The following IQSEC1 variants were observed in gnomAD, a reference collection of about 807,000 sequenced individuals.
IQSEC1 encodes IQ motif and Sec7 domain ArfGEF 1.
IQSEC1 carries 31 observed loss-of-function variants against 91.0 expected under a neutral mutation model. That is an observed-to-expected ratio of 0.34 (90% CI 0.26 to 0.46). The LOEUF (loss-of-function observed/expected upper bound fraction) is 0.46. IQSEC1 is among the 20% of genes least tolerant of loss of function. The probability of loss-of-function intolerance (pLI) is 1.00; values close to 1 mark genes in which losing one functional copy is unlikely to be tolerated. For missense variants in IQSEC1, 1,388 were observed against 1,575.6 expected (o/e 0.88, Z 2.02); for synonymous variants, 699 against 662.6 (o/e 1.05, Z -0.84).
At chr3:13,064,009 AAAAAAAC>A (rs1177438174) in intron 1 of IQSEC1, among the ~76,000 whole-genome samples, 8 of 152,094 alleles carry the variant, frequency 5.3e-5, no homozygotes, top group East Asian at 1.9e-4. Context: ...TGTAAAAAAA[AAAAAAAC>A]AAAAAACAAT....
chr3:13,233,882 A>C (rs1212220814), intron 1 of IQSEC1, among the ~76,000 whole-genome samples: 2 of 152,134 alleles, frequency 1.3e-5, no homozygotes, highest in African/African-American at 4.8e-5. Flanking sequence ...TAACATGGGG[A>C]TAATTCTAGT....
intron 1 of IQSEC1, among the ~76,000 whole-genome samples, chr3:13,225,142 C>CT (rs1344412047): frequency 6.6e-6 from 1 of 152,252 alleles, no homozygotes; most frequent in Non-Finnish European, 1.5e-5. Context: ...GCCCCATGAC[C>CT]TTTGGTCAAC....
At chr3:13,026,909 T>C (rs1453120114) in intron 1 of IQSEC1, among the ~76,000 whole-genome samples, 1 of 146,844 alleles carries the variant, frequency 6.8e-6, no homozygotes, top group Admixed American at 6.9e-5. Flanking sequence ...ATTAATAAAC[T>C]GAGGTTCAGA....
intron 2 of IQSEC1, among the ~76,000 whole-genome samples, chr3:13,101,299 G>A (rs1380500740): frequency 6.6e-6 from 1 of 152,018 alleles, no homozygotes; most frequent in Non-Finnish European, 1.5e-5. Context: ...GGCTAACATG[G>A]TGAAACCCCA....
At chr3:13,025,201 G>A (rs1357499308) in intron 1 of IQSEC1, among the ~76,000 whole-genome samples, 1 of 152,248 alleles carries the variant, frequency 6.6e-6, no homozygotes, top group South Asian at 2.1e-4. Flanking sequence ...AGCGAGGGCA[G>A]GTCTGCGTGG....
chr3:13,166,123 T>C (rs554563803), intron 1 of IQSEC1, among the ~76,000 whole-genome samples: 1 of 152,334 alleles, frequency 6.6e-6, no homozygotes, highest in African/African-American at 2.4e-5. Flanking sequence ...ACTCCAACTA[T>C]GGATTCAGCA....
At chr3:13,027,399 G>GC (rs1703662281) in intron 1 of IQSEC1, among the ~76,000 whole-genome samples, 1 of 152,208 alleles carries the variant, frequency 6.6e-6, no homozygotes, top group Non-Finnish European at 1.5e-5. Context: ...AGCACAAAGG[G>GC]CCAGCGTCCA....
At chr3:13,058,846 C>T (rs370569911) in intron 1 of IQSEC1, among the ~76,000 whole-genome samples, 2 of 152,340 alleles carry the variant, frequency 1.3e-5, no homozygotes, top group South Asian at 2.1e-4. Context: ...AGAGCATTTT[C>T]CTGGCAGAGA....
At chr3:13,263,229 A>G (rs1056668707) in intron 1 of IQSEC1, among the ~76,000 whole-genome samples, 1 of 150,586 alleles carries the variant, frequency 6.6e-6, no homozygotes, top group Non-Finnish European at 1.5e-5. Flanking sequence ...AGCCTAGGTG[A>G]TAGATCGAGA....
chr3:13,070,112 C>T (rs890008533), intron 1 of IQSEC1, among the ~76,000 whole-genome samples: 32 of 152,112 alleles, frequency 2.1e-4, no homozygotes, highest in African/African-American at 7.2e-4. Context: ...GGTGGGGGCC[C>T]GCCGGCAGGG....
rs1196011373 is a variant in IQSEC1 at position 13,226,767 on chromosome 3, G to T, written c.272+55944C>A. Among the ~76,000 whole-genome samples the T allele has an allele frequency of 3.3e-5, 5 of 152,128 alleles. 1 individual carries two copies. The highest frequency in any genetic ancestry group is 1.2e-4 in the African/African-American group (5 of 41,414). On this transcript the variant is annotated intron_variant, in intron 1 of 15. Coordinates refer to the IQSEC1 transcript ENST00000648114. ...TTCCCAGTTAGAGGCCTGAGCTCTG[G>T]GAGGAAATCATGGAAATATACAAAC...
rs1423476717 is a variant in IQSEC1 at position 12,913,471 on chromosome 3, C to T, written c.2273G>A (p.Gly758Glu). ...VPDPNKPQKL[G>E]LHQREIFLFN... ...CAGGAAGATTTCTCGCTGGTGTAGT[C>T]CGAGTTTCTGGGGCTTGTTTGGGTC... The change falls in exon 9 of 14, where the codon GGA (glycine) becomes GAA (glutamate). Residue 758 changes from glycine to glutamate, a missense_variant. Gly to Glu is a moderately conservative substitution (Grantham distance 98, BLOSUM62 -2). Around this residue, in one of 2 missense-constraint regions of IQSEC1, gnomAD observed 1,059 missense variants for 1,317.8 expected, o/e 0.80. Coordinates refer to ENST00000613206, the MANE Select transcript of IQSEC1 (RefSeq NM_001134382.3). The T allele has an allele frequency of 6.2e-7, 1 of 1,607,244 alleles. No homozygotes were observed. The highest frequency in any genetic ancestry group is 2.2e-5 in the East Asian group (1 of 44,620).
At chr3:13,107,844 G>C (rs1014457376) in intron 2 of IQSEC1, among the ~76,000 whole-genome samples, 1 of 152,182 alleles carries the variant, frequency 6.6e-6, no homozygotes, top group Non-Finnish European at 1.5e-5. Context: ...ATACATGTCC[G>C]GAACGCCCAG....
rs575755446 is a variant in IQSEC1, at chr3:13,019,475, G to A, written c.23+53517C>T. On this transcript the variant is annotated intron_variant, in intron 1 of 13. Coordinates refer to ENST00000613206, the MANE Select transcript of IQSEC1 (RefSeq NM_001134382.3). ...CCTCCAATCTGTCCCTGTGGCCGCC[G>A]GCAGCTCCGCCTTGGGCCACAGACC... 1.4e-3 allele frequency among the ~76,000 whole-genome samples: 209 copies of A among 152,358 alleles called. 1 individual carries two copies. Among genetic ancestry groups the A allele is most frequent in the Middle Eastern group, 3.4e-3 (1 of 294 alleles).
At chr3:13,051,396 C>G (rs537231774) in intron 1 of IQSEC1, among the ~76,000 whole-genome samples, 1 of 152,106 alleles carries the variant, frequency 6.6e-6, no homozygotes, top group Non-Finnish European at 1.5e-5. Context: ...AGTTCAAGAG[C>G]AGGAAAAAGT....
At chr3:13,171,858 C>G (rs1284609440) in intron 1 of IQSEC1, among the ~76,000 whole-genome samples, 1 of 152,140 alleles carries the variant, frequency 6.6e-6, no homozygotes, top group Non-Finnish European at 1.5e-5. Context: ...AGAGGCTCCC[C>G]GACTGGTTAG....
chr3:13,045,181 T>C (rs376211590), intron 1 of IQSEC1, among the ~76,000 whole-genome samples: 4 of 152,228 alleles, frequency 2.6e-5, no homozygotes, highest in African/African-American at 9.6e-5. Context: ...GGGATGCTCC[T>C]CACCCCTCCT....
At chr3:13,114,203 T>G (rs1706298155) in intron 2 of IQSEC1, among the ~76,000 whole-genome samples, 1 of 152,186 alleles carries the variant, frequency 6.6e-6, no homozygotes, top group Admixed American at 6.5e-5. Context: ...CATGTGCTGC[T>G]GATTACACCT....
chr3:13,273,402 C>T (rs1330592766), intron 1 of IQSEC1, among the ~76,000 whole-genome samples: 2 of 152,172 alleles, frequency 1.3e-5, no homozygotes, highest in Non-Finnish European at 2.9e-5. Flanking sequence ...TCGCCAACCA[C>T]CTCACTCCCT....
Sources: allele counts gnomAD v4.1 joint callset (sites outside exome capture counted in the v4.1 genomes callset), GRCh38; gene constraint gnomAD v4.1.1; regional missense constraint gnomAD v4.1.1; transcripts MANE v1.5; gene names NCBI Gene and HGNC (gene_info 2026-07-23, HGNC 2026-07-21).